The following AK7 variants were observed in gnomAD, a reference collection of about 807,000 sequenced individuals.
AK7 encodes the protein adenylate kinase 7, also known as ATP-AMP transphosphorylase 7.
Under a neutral mutation model 96.6 loss-of-function variants are expected in AK7, and 78 were observed. The observed-to-expected ratio is 0.81, with a 90% CI of 0.67 to 0.97. AK7 has a LOEUF of 0.97. Ranked by LOEUF, AK7 falls within the 50% of genes least tolerant of loss-of-function variation. AK7 has a pLI of 0.00. For missense variants in AK7, 855 were observed against 887.9 expected (o/e 0.96, Z 0.47); for synonymous variants, 302 against 317.2 (o/e 0.95, Z 0.51).
At position 96,483,720 on chromosome 14, in the gene AK7, C is replaced by T. The variant is rs114448314; in HGVS notation, c.1974+501C>T. 8.8e-3 allele frequency among the ~76,000 whole-genome samples: 1,336 copies of T among 152,274 alleles called. 13 individuals are homozygous for T. Among genetic ancestry groups the T allele is most frequent in the African/African-American group, 0.03 (1,233 of 41,566 alleles). ...GGATTATAGGCATGAGCCACCATGC[C>T]CAGCTTGCTTAGTATTAGTAACAAA... On this transcript the variant is annotated intron_variant, in intron 16 of 17. Coordinates refer to ENST00000267584, the MANE Select transcript of AK7 (RefSeq NM_152327.5).
intron 7 of AK7, among the ~76,000 whole-genome samples, chr14:96,443,243 TA>T (rs1231832650): frequency 2.0e-5 from 3 of 152,174 alleles, no homozygotes; most frequent in African/African-American, 7.2e-5. Context: ...CAGTTGTAGG[TA>T]AAGTTGACAT....
chr14:96,393,194 T>G (rs1459980320), intron 1 of AK7, among the ~76,000 whole-genome samples: 4 of 152,194 alleles, frequency 2.6e-5, no homozygotes, highest in East Asian at 1.9e-4. Flanking sequence ...AGCCATGATT[T>G]TATCATTCCC....
At chr14:96,427,626 T>C (rs943838525) in intron 5 of AK7, among the ~76,000 whole-genome samples, 1 of 152,230 alleles carries the variant, frequency 6.6e-6, no homozygotes, top group African/African-American at 2.4e-5. Flanking sequence ...TACTGTTCTG[T>C]AACCTTCTTG....
chr14:96,482,742 A>G (rs1194503539), intron 15 of AK7, among the ~76,000 whole-genome samples: 1 of 152,132 alleles, frequency 6.6e-6, no homozygotes, highest in African/African-American at 2.4e-5. Context: ...CCATTCCCCC[A>G]TTCAACCACT....
intron 6 of AK7, 64 bp from the exon 7 acceptor site, chr14:96,442,666 G>A (rs1309915325): frequency 3.2e-6 from 4 of 1,235,056 alleles, no homozygotes; most frequent in South Asian, 1.2e-5. Context: ...GTAGACTTAT[G>A]TGTGAGCTGT....
chr14:96,471,573 A>G lies in AK7; in HGVS notation c.1453A>G (p.Lys485Glu). 6.3e-7 allele frequency: 1 copy of G among 1,598,724 alleles called. No homozygotes were observed. Among genetic ancestry groups the G allele is most frequent in the Non-Finnish European group, 8.5e-7 (1 of 1,174,314 alleles). The change falls in exon 13 of 18, where the codon AAG (lysine) becomes GAG (glutamate). Residue 485 changes from lysine (K) to glutamate (E), a missense_variant. Physicochemically the swap from Lys to Glu is moderately conservative, Grantham distance 56 (BLOSUM62 1). Coordinates refer to ENST00000267584, the MANE Select transcript of AK7 (RefSeq NM_152327.5). The stretch of plus-strand genomic sequence containing the variant: ...AGGTTATATTTTGGATGGATTCCCA[A>G]AGACCTATGATCAAGCAAAAGACCT... ...NQGYILDGFP[K>E]TYDQAKDLFN... is the part of the protein sequence containing the mutation.
chr14:96,478,920 T>TG (rs1472861059), intron 15 of AK7, among the ~76,000 whole-genome samples: 7 of 151,738 alleles, frequency 4.6e-5, no homozygotes, highest in Admixed American at 4.6e-4. Flanking sequence ...TTTTTTTTTT[T>TG]TGTGGGGGGA....
chr14:96,411,378 G>A (rs914895250), intron 4 of AK7, among the ~76,000 whole-genome samples: 3 of 151,178 alleles, frequency 2.0e-5, no homozygotes, highest in African/African-American at 7.3e-5. Context: ...GGGTATGGTG[G>A]TACGCGCCTG....
intron 12 of AK7, among the ~76,000 whole-genome samples, chr14:96,464,410 C>T (rs548838584): frequency 5.9e-5 from 9 of 151,694 alleles, no homozygotes; most frequent in East Asian, 5.8e-4. Context: ...AATAGCCAGG[C>T]GTGGTGGTGC....
rs183421914 is a variant in AK7 at position 96,402,098 on chromosome 14, C to T, written c.295-2659C>T. 6.5e-3 allele frequency among the ~76,000 whole-genome samples: 983 copies of T among 151,970 alleles called. 11 individuals carry two copies. The highest frequency in any genetic ancestry group is 0.023 in the African/African-American group (940 of 41,422). On this transcript the variant is annotated intron_variant, in intron 2 of 17. Coordinates refer to ENST00000267584, the MANE Select transcript of AK7 (RefSeq NM_152327.5). ...TTTTTTCTCATTTGTACAACGGCTT[C>T]ATATGTGCTTGGTTGGGCCCTTGTC...
intron 4 of AK7, among the ~76,000 whole-genome samples, chr14:96,415,797 A>G (rs1054934824): frequency 6.7e-6 from 1 of 149,678 alleles, no homozygotes; most frequent in East Asian, 1.9e-4. Context: ...ACATTAATTA[A>G]TTAAATTAAT....
intron 1 of AK7, among the ~76,000 whole-genome samples, chr14:96,395,309 A>G (rs1388125834): frequency 2.6e-5 from 4 of 152,248 alleles, no homozygotes. Context: ...TAAGAAAATC[A>G]TAAAGAAGAC....
At chr14:96,398,311 C>A in intron 2 of AK7, 48 bp downstream of exon 2, 1 of 1,593,634 alleles carries the variant, frequency 6.3e-7, no homozygotes, top group Non-Finnish European at 8.6e-7. Flanking sequence ...GAAGAGTCAC[C>A]TTCCGCTCCA....
intron 14 of AK7, among the ~76,000 whole-genome samples, 172 bp downstream of exon 14, chr14:96,472,927 C>T (rs1215597739): frequency 6.6e-6 from 1 of 151,956 alleles, no homozygotes; most frequent in Non-Finnish European, 1.5e-5. Context: ...ACTAGAAATA[C>T]AAAAATTAGC....
intron 2 of AK7, among the ~76,000 whole-genome samples, chr14:96,403,994 A>G (rs1037593798): frequency 3.3e-5 from 5 of 151,970 alleles, no homozygotes; most frequent in African/African-American, 1.2e-4. Context: ...AAAAGAAAAA[A>G]AAAGCCAGGC....
chr14:96,433,718 G>A (rs756789401), intron 5 of AK7, among the ~76,000 whole-genome samples: 11 of 152,148 alleles, frequency 7.2e-5, no homozygotes, highest in Non-Finnish European at 1.0e-4. Flanking sequence ...TCTGTTGCTG[G>A]CAAGGAGCTG....
intron 14 of AK7, among the ~76,000 whole-genome samples, chr14:96,474,592 T>C (rs563534978): frequency 5.9e-5 from 9 of 151,560 alleles, no homozygotes; most frequent in African/African-American, 2.2e-4. Context: ...ACCACTGCAC[T>C]CCAGCCTGGG....
intron 12 of AK7, among the ~76,000 whole-genome samples, chr14:96,463,497 A>G (rs907483754): frequency 1.6e-4 from 24 of 151,844 alleles, no homozygotes; most frequent in Admixed American, 1.6e-3. Flanking sequence ...AGGCGGGCGG[A>G]TCACGAGGTC....
At chr14:96,445,458 G>A (rs557106313) in intron 7 of AK7, among the ~76,000 whole-genome samples, 4 of 152,190 alleles carry the variant, frequency 2.6e-5, no homozygotes, top group Admixed American at 6.5e-5. Context: ...CGAGGAGTTC[G>A]GGACCAGGCT....
Sources: gnomAD v4.1 joint callset for allele counts (sites outside exome capture counted in the v4.1 genomes callset) on GRCh38, gnomAD v4.1.1 for gene constraint, MANE v1.5 for transcripts, NCBI Gene and HGNC (gene_info 2026-07-23, HGNC 2026-07-21) for gene names.